Variants in AKAP6 observed in about 807,000 individuals in gnomAD.
The protein encoded by AKAP6 is A-kinase anchor protein 6.
AKAP6 carries 58 observed loss-of-function variants against 188.5 expected under a neutral mutation model. The ratio of observed to expected loss-of-function variants is 0.31; its 90% CI spans 0.25 to 0.38. The LOEUF is 0.38. AKAP6 is among the 10% of genes least tolerant of loss of function. The pLI, the probability that AKAP6 is intolerant of heterozygous loss-of-function variation, is 1.00. For missense variants in AKAP6, 2,710 were observed against 2,740.0 expected (o/e 0.99, Z 0.24); for synonymous variants, 989 against 998.6 (o/e 0.99, Z 0.18).
At chr14:32,709,582 G>T (rs1890956052) in intron 9 of AKAP6, among the ~76,000 whole-genome samples, 1 of 152,024 alleles carries the variant, frequency 6.6e-6, no homozygotes, top group Non-Finnish European at 1.5e-5. Context: ...ACCTTGAAAA[G>T]ACCTTCATTT....
intron 3 of AKAP6, among the ~76,000 whole-genome samples, chr14:32,537,862 G>A (rs78411569): frequency 0.077 from 11,781 of 152,188 alleles, 629 homozygotes; most frequent in African/African-American, 0.15. Flanking sequence ...AGCCATGGAC[G>A]GTAATTGTTG....
intron 5 of AKAP6, among the ~76,000 whole-genome samples, chr14:32,578,836 A>G (rs968498028): frequency 6.6e-6 from 1 of 151,652 alleles, no homozygotes; most frequent in Non-Finnish European, 1.5e-5. Context: ...TCCCCTTTGG[A>G]GGTTGAATGA....
chr14:32,657,455 A>T (rs115447632), intron 7 of AKAP6, among the ~76,000 whole-genome samples: 1,706 of 152,224 alleles, frequency 0.011, 31 homozygotes, highest in African/African-American at 0.039. Flanking sequence ...TTACACCAAC[A>T]TTTACCACAA....
chr14:32,679,972 G>A lies in AKAP6; in HGVS notation c.2879+1513G>A, dbSNP rs79293844. ...TGCCTAAATAGCCTCTGGTGTACAT[G>A]CAAGCACAAACTTTAGGTCACATTT... On this transcript the variant is annotated intron_variant, in intron 8 of 13. Coordinates refer to ENST00000280979, the MANE Select transcript of AKAP6 (RefSeq NM_004274.5). Among the ~76,000 whole-genome samples the A allele has an allele frequency of 2.4e-3, 359 of 152,302 alleles. 12 individuals carry two copies. In the East Asian group the frequency reaches 0.059, roughly 25 times the overall value.
At position 32,423,714 on chromosome 14, in the gene AKAP6, G is replaced by A. The variant is rs554143439; in HGVS notation, c.-34-9746G>A. ...TGACTGTGGGGAATGTGGGGCTAAA[G>A]AGGGATCTTTTATCTTCAATCTTGC... On this transcript the variant is annotated intron_variant, in intron 1 of 13. Transcript: ENST00000280979. Among the ~76,000 whole-genome samples, 10 of 152,204 alleles carry A rather than the reference G, an allele frequency of 6.6e-5. No homozygotes were observed. In the South Asian group the frequency reaches 2.1e-3, roughly 32 times the overall value.
At chr14:32,373,184 G>A (rs1888063629) in intron 1 of AKAP6, among the ~76,000 whole-genome samples, 1 of 152,126 alleles carries the variant, frequency 6.6e-6, no homozygotes, top group Non-Finnish European at 1.5e-5. Context: ...CAGGGGAACT[G>A]TAATAGAAAA....
chr14:32,823,054 T>C lies in AKAP6; in HGVS notation c.5241T>C (p.Thr1747=). 6.2e-7 allele frequency: 1 copy of C among 1,613,824 alleles called. No homozygotes were observed. Among genetic ancestry groups the C allele is most frequent in the Non-Finnish European group, 8.5e-7 (1 of 1,179,886 alleles). ...ATGTCTCTTGCACCTCTGCTTGCAC[T>C]GATGATGAAGATGACAGCGACCTGC... is the stretch of plus-strand genomic sequence containing the variant. ...IVNVSCTSAC[T]DDEDDSDLLS... The change falls in exon 13 of 14, where the codon ACT becomes ACC. Residue 1747 remains threonine (T), a synonymous_variant. Transcript: ENST00000280979.
chr14:32,354,150 A>G (rs1003389980), intron 1 of AKAP6, among the ~76,000 whole-genome samples: 3 of 152,118 alleles, frequency 2.0e-5, no homozygotes, highest in African/African-American at 7.2e-5. Flanking sequence ...CACATTGCCA[A>G]GTCAATCCTA....
chr14:32,344,127 T>G (rs1422225840), intron 1 of AKAP6, among the ~76,000 whole-genome samples: 1 of 152,192 alleles, frequency 6.6e-6, no homozygotes, highest in African/African-American at 2.4e-5. Context: ...TCCCAGTCCC[T>G]TTTGCTACTC....
Position 32,545,926 on chromosome 14 carries a change from A to T in AKAP6, c.1273A>T (p.Thr425Ser), listed in dbSNP as rs1413294451. The T allele has an allele frequency of 6.2e-7, 1 of 1,614,154 alleles. No individual in the cohort carries two copies. The change falls in exon 4 of 14, where the codon ACC becomes TCC. Residue 425 changes from threonine to serine, a missense_variant. Physicochemically the swap from Thr to Ser is moderately conservative, Grantham distance 58. Coordinates refer to ENST00000280979, the MANE Select transcript of AKAP6 (RefSeq NM_004274.5). Reference protein sequence around the residue: ...VDLKPEMSRSTPSLVDPPDRS... With the variant: ...VDLKPEMSRSSPSLVDPPDRS... Reference sequence around the variant, plus strand: ...TCTAAAGCCTGAGATGAGCAGAAGCACCCCTTCGCTAGTAGATCCTCCTGA... The same window carrying T: ...TCTAAAGCCTGAGATGAGCAGAAGCTCCCCTTCGCTAGTAGATCCTCCTGA...
At position 32,329,778 on chromosome 14, in the gene AKAP6, GC is replaced by G. The variant is rs1886472278; in HGVS notation, c.-35+375del. On this transcript the variant is annotated intron_variant, in intron 1 of 13. Coordinates refer to ENST00000280979, the MANE Select transcript of AKAP6 (RefSeq NM_004274.5). ...TCTTTTTGGGAGGCAGAGCTAATTG[GC>G]CCCCTCTTTGCTCTTGTGAATTATG... 2.0e-5 allele frequency among the ~76,000 whole-genome samples: 3 copies of G among 152,044 alleles called. No individual in the cohort carries two copies. The South Asian group carries it at 6.2e-4, about 32-fold the overall frequency.
chr14:32,729,353 T>C (rs1013583165), intron 9 of AKAP6, among the ~76,000 whole-genome samples: 1 of 152,186 alleles, frequency 6.6e-6, no homozygotes, highest in Admixed American at 6.5e-5. Context: ...AATCAAGTCT[T>C]CATGCATTTC....
At chr14:32,725,908 G>C (rs2030848390) in intron 9 of AKAP6, among the ~76,000 whole-genome samples, 1 of 152,096 alleles carries the variant, frequency 6.6e-6, no homozygotes, top group African/African-American at 2.4e-5. Flanking sequence ...AAAGTCCTTG[G>C]TTGCTAATGA....
At chr14:32,515,172 C>T (rs1294373548) in intron 2 of AKAP6, among the ~76,000 whole-genome samples, 3 of 152,126 alleles carry the variant, frequency 2.0e-5, no homozygotes, top group Non-Finnish European at 4.4e-5. Context: ...TCTTGCATGG[C>T]GGCAGGCAAG....
chr14:32,755,668 C>T (rs1045494144), intron 11 of AKAP6, among the ~76,000 whole-genome samples: 2 of 152,102 alleles, frequency 1.3e-5, no homozygotes, highest in Non-Finnish European at 2.9e-5. Context: ...GCTGACACTA[C>T]AGGTGAATAC....
intron 12 of AKAP6, among the ~76,000 whole-genome samples, chr14:32,809,591 G>T (rs547665591): frequency 1.2e-4 from 18 of 152,294 alleles, no homozygotes; most frequent in African/African-American, 4.1e-4. Context: ...TAAATGCAAG[G>T]TCTGATCAGG....
At chr14:32,648,892 C>A (rs542992567) in intron 7 of AKAP6, among the ~76,000 whole-genome samples, 1 of 151,990 alleles carries the variant, frequency 6.6e-6, no homozygotes, top group Non-Finnish European at 1.5e-5. Context: ...GTTTCTTTTA[C>A]CAAAAAAAAG....
At chr14:32,609,516 G>T (rs767203424) in intron 7 of AKAP6, among the ~76,000 whole-genome samples, 2 of 152,144 alleles carry the variant, frequency 1.3e-5, no homozygotes, top group Non-Finnish European at 2.9e-5. Flanking sequence ...AGGCCATTTT[G>T]CATTGGACTG....
At chr14:32,800,506 C>G (rs8004568) in intron 12 of AKAP6, among the ~76,000 whole-genome samples, 1 of 151,920 alleles carries the variant, frequency 6.6e-6, no homozygotes, top group Non-Finnish European at 1.5e-5. Context: ...TGTTCCATTG[C>G]TTTGTGCATA....
Sources: allele counts gnomAD v4.1 joint callset (sites outside exome capture counted in the v4.1 genomes callset), GRCh38; gene constraint gnomAD v4.1.1; transcripts MANE v1.5; gene names NCBI Gene and HGNC (gene_info 2026-07-23, HGNC 2026-07-21).